The following CLUL1 variants were observed in gnomAD, a reference collection of about 807,000 sequenced individuals.
The protein encoded by CLUL1 is clusterin like 1, also known as clusterin-like protein 1.
Under a neutral mutation model 49.4 loss-of-function variants are expected in CLUL1, and 43 were observed. The ratio of observed to expected loss-of-function variants is 0.87; its 90% CI spans 0.68 to 1.12. The LOEUF (loss-of-function observed/expected upper bound fraction) is 1.12, where lower values mean the gene tolerates loss of function less well. Among genes scored for constraint, CLUL1 ranks in the 50% most tolerant of loss-of-function variants. The pLI is 0.00. For synonymous variants in CLUL1, 192 were observed against 184.9 expected (o/e 1.04, Z -0.31); for missense variants, 486 against 544.4 (o/e 0.89, Z 1.07).
At chr18:626,315 G>A (rs898182406) in intron 5 of CLUL1, among the ~76,000 whole-genome samples, 1 of 151,696 alleles carries the variant, frequency 6.6e-6, no homozygotes, top group Non-Finnish European at 1.5e-5. Flanking sequence ...GTTTTACCAT[G>A]TTGGCCAGGC....
At chr18:644,311 TAA>T (rs1265026707) in intron 8 of CLUL1, among the ~76,000 whole-genome samples, 1 of 152,258 alleles carries the variant, frequency 6.6e-6, no homozygotes, top group Non-Finnish European at 1.5e-5. Flanking sequence ...GAGAATTCAT[TAA>T]GAGAGTAACA....
chr18:612,444 T>C (rs2073162531), intron 2 of CLUL1, among the ~76,000 whole-genome samples: 1 of 152,218 alleles, frequency 6.6e-6, no homozygotes, highest in South Asian at 2.1e-4. Context: ...TTCACACATG[T>C]GCCACGTGCA....
chr18:598,327 C>A (rs1478705123), intron 1 of CLUL1: 1 of 383,806 alleles, frequency 2.6e-6, no homozygotes. Flanking sequence ...AAGAAAGTCA[C>A]GATGATCTGT....
At chr18:647,592 T>A (rs1455289027) in intron 9 of CLUL1, among the ~76,000 whole-genome samples, 1 of 152,158 alleles carries the variant, frequency 6.6e-6, no homozygotes, top group East Asian at 1.9e-4. Flanking sequence ...AAGATGTGAC[T>A]TGCCAGGAGG....
At chr18:603,212 C>T (rs1169642599) in intron 1 of CLUL1, among the ~76,000 whole-genome samples, 2 of 152,076 alleles carry the variant, frequency 1.3e-5, no homozygotes, top group Non-Finnish European at 2.9e-5. Flanking sequence ...TCCCAAGTCC[C>T]CGAGACAAAC....
chr18:632,360 A>G (rs2074015781), intron 6 of CLUL1, among the ~76,000 whole-genome samples: 1 of 152,136 alleles, frequency 6.6e-6, no homozygotes, highest in South Asian at 2.1e-4. Flanking sequence ...GTGTGTATAT[A>G]TACATATATA....
intron 9 of CLUL1, 97 bp downstream of exon 9, chr18:645,194 G>A: frequency 1.1e-6 from 1 of 895,944 alleles, no homozygotes; most frequent in Non-Finnish European, 1.6e-6. Context: ...TGGAAAACAT[G>A]TTTAACCTCA....
intron 4 of CLUL1, among the ~76,000 whole-genome samples, chr18:624,613 ACACT>A (rs2073619959): frequency 6.6e-6 from 1 of 152,188 alleles, no homozygotes; most frequent in East Asian, 1.9e-4. Context: ...CACATAGCAA[ACACT>A]CAGTAAATAC....
At position 644,128 on chromosome 18, in the gene CLUL1, G is replaced by T. The variant is rs1238522619; in HGVS notation, c.1210-782G>T. ...TCCCTGGTTGTATAATAGTTACATGGGTGTTGACTTTACAATTATTTAAAC... is the reference window on the plus strand; with the variant it reads ...TCCCTGGTTGTATAATAGTTACATGTGTGTTGACTTTACAATTATTTAAAC... On this transcript the variant is annotated intron_variant, in intron 8 of 9. Coordinates refer to ENST00000692774, the MANE Select transcript of CLUL1 (RefSeq NM_001393344.1). Among the ~76,000 whole-genome samples, 3 of 152,110 alleles carry T rather than the reference G, an allele frequency of 2.0e-5. No individual in the cohort carries two copies. The East Asian group carries it at 5.8e-4, about 29-fold the overall frequency.
At chr18:645,533 T>C (rs1030227095) in intron 9 of CLUL1, among the ~76,000 whole-genome samples, 97 of 151,998 alleles carry the variant, frequency 6.4e-4, no homozygotes, top group East Asian at 1.7e-3. Flanking sequence ...CAGTGGCTCA[T>C]GCCTGTAATC....
chr18:610,531 G>A (rs78290924), intron 2 of CLUL1, among the ~76,000 whole-genome samples: 5,029 of 152,308 alleles, frequency 0.033, 132 homozygotes, highest in Middle Eastern at 0.058. Context: ...GTAGAAGGTT[G>A]TCTTTGCCTG....
intron 7 of CLUL1, among the ~76,000 whole-genome samples, chr18:641,093 G>A (rs1487446371): frequency 3.3e-5 from 5 of 152,106 alleles, no homozygotes; most frequent in Non-Finnish European, 7.4e-5. Flanking sequence ...CAAAAGTTCT[G>A]TCTCCAGCCC....
At chr18:608,710 T>C (rs1040526691) in intron 2 of CLUL1, among the ~76,000 whole-genome samples, 2 of 150,918 alleles carry the variant, frequency 1.3e-5, no homozygotes, top group African/African-American at 4.8e-5. Context: ...AGAGTGAGAC[T>C]CTGTCTCTAA....
At chr18:643,810 A>C (rs1044669377) in intron 8 of CLUL1, among the ~76,000 whole-genome samples, 4 of 152,220 alleles carry the variant, frequency 2.6e-5, no homozygotes, top group Admixed American at 2.0e-4. Context: ...CAATGACCCT[A>C]TAAAGGAAGT....
chr18:637,282 G>T (rs1455904980), intron 7 of CLUL1, among the ~76,000 whole-genome samples: 2 of 151,882 alleles, frequency 1.3e-5, no homozygotes, highest in Non-Finnish European at 2.9e-5. Context: ...CACCATCCCT[G>T]GCCTCCAGCC....
chr18:607,513 G>A (rs35031344), intron 2 of CLUL1, among the ~76,000 whole-genome samples: 31,217 of 152,052 alleles, frequency 0.21, 4,329 homozygotes, highest in African/African-American at 0.39. Context: ...GATTCAGTGC[G>A]GCCCTGATCT....
intron 1 of CLUL1, among the ~76,000 whole-genome samples, chr18:600,263 G>A (rs1255260236): frequency 1.3e-5 from 2 of 152,080 alleles, no homozygotes; most frequent in African/African-American, 4.8e-5. Context: ...TTCCTGGACA[G>A]ACATGAAGGA....
At chr18:649,437 C>T (rs1403932897) in intron 9 of CLUL1, among the ~76,000 whole-genome samples, 5 of 152,134 alleles carry the variant, frequency 3.3e-5, no homozygotes, top group Non-Finnish European at 5.9e-5. Flanking sequence ...TCATAGCTGC[C>T]GGCCCTGGGA....
At chr18:609,041 G>C (rs1013660405) in intron 2 of CLUL1, among the ~76,000 whole-genome samples, 2 of 152,114 alleles carry the variant, frequency 1.3e-5, no homozygotes, top group Admixed American at 6.5e-5. Context: ...GATGTTTTGG[G>C]ATTTTGAAAT....
Sources: allele counts gnomAD v4.1 joint callset (sites outside exome capture counted in the v4.1 genomes callset), GRCh38; gene constraint gnomAD v4.1.1; transcripts MANE v1.5; gene names NCBI Gene and HGNC (gene_info 2026-07-23, HGNC 2026-07-21).